The following DLC1 variants were observed in gnomAD, a reference collection of about 807,000 sequenced individuals.
DLC1 encodes the protein rho GTPase-activating protein 7.
Under a neutral mutation model 140.3 loss-of-function variants are expected in DLC1, and 54 were observed. The ratio of observed to expected loss-of-function variants is 0.38; its 90% CI spans 0.31 to 0.48. The LOEUF is 0.48. Among genes scored for constraint, DLC1 ranks in the 20% least tolerant of loss-of-function variants. DLC1 has a pLI of 0.96. For missense variants in DLC1, 2,536 were observed against 1,907.0 expected (o/e 1.33, Z -6.14); for synonymous variants, 986 against 728.1 (o/e 1.35, Z -5.70).
chr8:13,137,043 C>A (rs1324342818), intron 5 of DLC1, among the ~76,000 whole-genome samples: 1 of 152,160 alleles, frequency 6.6e-6, no homozygotes, highest in Non-Finnish European at 1.5e-5. Context: ...AACATGAAAT[C>A]CTATTTAAAT....
At chr8:13,555,663 T>A (rs866612601) in intron 1 of DLC1, among the ~76,000 whole-genome samples, 7 of 151,348 alleles carry the variant, frequency 4.6e-5, no homozygotes, top group South Asian at 2.1e-4. Flanking sequence ...AGCTATTATT[T>A]TTTTTTTTTT....
At chr8:13,591,272 C>T (rs950099670) in intron 1 of DLC1, among the ~76,000 whole-genome samples, 1 of 152,116 alleles carries the variant, frequency 6.6e-6, no homozygotes, top group African/African-American at 2.4e-5. Context: ...CAAACCTCAT[C>T]TTGAATTGTA....
chr8:13,232,696 C>T (rs2117205882), intron 5 of DLC1, among the ~76,000 whole-genome samples: 1 of 152,294 alleles, frequency 6.6e-6, no homozygotes, highest in Non-Finnish European at 1.5e-5. Context: ...CATTCACATT[C>T]ATTTCAAGTG....
At chr8:13,176,485 A>G (rs1359233837) in intron 5 of DLC1, among the ~76,000 whole-genome samples, 2 of 152,186 alleles carry the variant, frequency 1.3e-5, no homozygotes, top group African/African-American at 4.8e-5. Flanking sequence ...AGGCTGAGGC[A>G]GGAGAATGGT....
At chr8:13,091,484 C>A in intron 13 of DLC1, 52 bp from the exon 14 acceptor site, 2 of 1,514,550 alleles carry the variant, frequency 1.3e-6, no homozygotes, top group South Asian at 1.2e-5. Flanking sequence ...ATATATTTTT[C>A]TTCAAGGTAT....
intron 2 of DLC1, among the ~76,000 whole-genome samples, chr8:13,427,465 A>T (rs1477576335): frequency 6.6e-6 from 1 of 152,114 alleles, no homozygotes; most frequent in African/African-American, 2.4e-5. Flanking sequence ...CATTGTACAG[A>T]ATTACATTTT....
In DLC1 at chr8:13,136,165, T is replaced by C. The variant is rs545028947; in HGVS notation, c.1349-20508A>G. On this transcript the variant is annotated intron_variant, in intron 5 of 17. Coordinates refer to ENST00000276297, the MANE Select transcript of DLC1 (RefSeq NM_182643.3). Reference sequence around the variant, plus strand: ...TAGAGCAGGCCACTTACTAGGTTTATGATTAATATGTTATTTGTTTATGTT... The same window carrying C: ...TAGAGCAGGCCACTTACTAGGTTTACGATTAATATGTTATTTGTTTATGTT... 9.7e-4 allele frequency among the ~76,000 whole-genome samples: 148 copies of C among 152,334 alleles called. 1 individual carries two copies. The highest frequency in any genetic ancestry group is 3.5e-3 in the African/African-American group (145 of 41,586).
intron 3 of DLC1, among the ~76,000 whole-genome samples, chr8:13,398,864 C>T (rs1474078559): frequency 1.3e-5 from 2 of 152,124 alleles, no homozygotes; most frequent in Non-Finnish European, 2.9e-5. Context: ...CAAAGAGGCA[C>T]CTATAGCTAT....
chr8:13,285,618 T>C (rs967858454), intron 5 of DLC1, among the ~76,000 whole-genome samples: 2 of 152,094 alleles, frequency 1.3e-5, no homozygotes, highest in African/African-American at 4.8e-5. Flanking sequence ...GGAGATACCA[T>C]CACATACTAA....
At chr8:13,408,742 T>C (rs1317176613) in intron 2 of DLC1, among the ~76,000 whole-genome samples, 1 of 152,234 alleles carries the variant, frequency 6.6e-6, no homozygotes, top group African/African-American at 2.4e-5. Context: ...AGCTGATATG[T>C]ATTCCATACT....
At chr8:13,434,504 G>A (rs745328370) in intron 2 of DLC1, among the ~76,000 whole-genome samples, 11 of 152,128 alleles carry the variant, frequency 7.2e-5, no homozygotes, top group Admixed American at 3.3e-4. Flanking sequence ...GCACATGTGT[G>A]TATGTATATG....
At chr8:13,086,158 T>C (rs1015501144) in intron 17 of DLC1, 132 bp downstream of exon 17, 10 of 1,369,214 alleles carry the variant, frequency 7.3e-6, no homozygotes, top group African/African-American at 5.9e-5. Context: ...AATGCTACTT[T>C]CTAAACACCA....
chr8:13,512,163 A>G (rs568649594), intron 1 of DLC1, among the ~76,000 whole-genome samples: 2 of 152,254 alleles, frequency 1.3e-5, no homozygotes, highest in South Asian at 4.1e-4. Context: ...GTGTGGTGAC[A>G]TTGAAAGGAA....
rs779524261 is a variant in DLC1, at chr8:13,099,584, C to T, written c.2753G>A (p.Arg918Gln). ...CTTCTCCGACCACTGATTGACTATC[C>T]GCTGCATCCCCTTCACGTGGTAGAG... is the stretch of plus-strand genomic sequence containing the variant. ...DILYHVKGMQ[R>Q]IVNQWSEKFS... The change falls in exon 9 of 18, where the codon CGG (arginine) becomes CAG (glutamine). Residue 918 changes from arginine (R) to glutamine (Q), a missense_variant. Arg to Gln is a conservative substitution (Grantham distance 43, BLOSUM62 1). Transcript: ENST00000276297. The T allele has an allele frequency of 1.4e-5, 22 of 1,614,072 alleles. No individual in the cohort carries two copies. Among genetic ancestry groups the T allele is most frequent in the Admixed American group, 5.0e-5 (3 of 60,006 alleles).
intron 2 of DLC1, among the ~76,000 whole-genome samples, chr8:13,413,751 G>T (rs900223372): frequency 6.6e-6 from 1 of 152,052 alleles, no homozygotes; most frequent in Admixed American, 6.6e-5. Flanking sequence ...TAGTAAAGAA[G>T]GTACTTGCTT....
chr8:13,512,448 T>A (rs1301538105), intron 1 of DLC1, among the ~76,000 whole-genome samples: 1 of 152,206 alleles, frequency 6.6e-6, no homozygotes, highest in Non-Finnish European at 1.5e-5. Flanking sequence ...ATTTATATAC[T>A]GTAAAAATTC....
rs532527995 is a variant in DLC1 at position 13,371,907 on chromosome 8, T to C, written c.1314+21646A>G. ...GTAATGTACAGACCAGAAGGTAATA[T>C]TGGGCATTTGAAAGGATGTTCACTA... On this transcript the variant is annotated intron_variant, in intron 4 of 17. Coordinates refer to ENST00000276297, the MANE Select transcript of DLC1 (RefSeq NM_182643.3). Among the ~76,000 whole-genome samples, 7 of 148,896 alleles carry C rather than the reference T, an allele frequency of 4.7e-5. No homozygotes were observed. The South Asian group carries it at 8.5e-4, about 18-fold the overall frequency.
intron 5 of DLC1, among the ~76,000 whole-genome samples, chr8:13,185,237 G>A (rs1328167806): frequency 2.1e-5 from 3 of 146,048 alleles, no homozygotes; most frequent in South Asian, 4.4e-4. Flanking sequence ...ATAGTACACT[G>A]ATGGGTCTTG....
At chr8:13,431,511 A>AAAAAAAAAAAAG (rs1838868253) in intron 2 of DLC1, among the ~76,000 whole-genome samples, 7 of 132,152 alleles carry the variant, frequency 5.3e-5, no homozygotes, top group South Asian at 5.3e-4. Context: ...AAAAAAAAAA[A>AAAAAAAAAAAAG]AAAAGAAAAG....
Sources: allele counts gnomAD v4.1 joint callset (sites outside exome capture counted in the v4.1 genomes callset), GRCh38; gene constraint gnomAD v4.1.1; transcripts MANE v1.5; gene names NCBI Gene and HGNC (gene_info 2026-07-23, HGNC 2026-07-21).